Variants in TRANK1 observed in about 807,000 individuals in gnomAD.
TRANK1 encodes the protein TPR and ankyrin repeat-containing protein 1.
In TRANK1, 198 loss-of-function variants were observed where a neutral mutation model predicts 266.0. The ratio of observed to expected loss-of-function variants is 0.74; its 90% CI spans 0.66 to 0.84. TRANK1 has a LOEUF of 0.84. Among genes scored for constraint, TRANK1 ranks in the 40% least tolerant of loss-of-function variants. The pLI is 0.00. For missense variants in TRANK1, 3,326 were observed against 3,634.6 expected (o/e 0.92, Z 2.18); for synonymous variants, 1,396 against 1,384.1 (o/e 1.01, Z -0.19).
intron 7 of TRANK1, among the ~76,000 whole-genome samples, chr3:36,891,823 T>C (rs2079700097): frequency 6.6e-6 from 1 of 151,746 alleles, no homozygotes; most frequent in African/African-American, 2.4e-5. Context: ...AACCCTAGAG[T>C]GAAAATGAAC....
chr3:36,882,750 G>A (rs924143692), intron 8 of TRANK1, among the ~76,000 whole-genome samples: 5 of 152,042 alleles, frequency 3.3e-5, no homozygotes, highest in Non-Finnish European at 7.4e-5. Flanking sequence ...ACAGACAAGA[G>A]CTAATGAGCG....
chr3:36,874,011 C>A, intron 9 of TRANK1, 115 bp downstream of exon 9: 1 of 907,868 alleles, frequency 1.1e-6, no homozygotes, highest in Non-Finnish European at 1.5e-6. Flanking sequence ...GTCTCACTTC[C>A]ATATATATAT....
intron 4 of TRANK1, 36 bp downstream of exon 4, chr3:36,899,073 A>G: frequency 6.5e-7 from 1 of 1,534,046 alleles, no homozygotes; most frequent in Non-Finnish European, 8.7e-7. Context: ...TAAAATAGCA[A>G]GGACTTTACA....
chr3:36,864,191 G>T, intron 10 of TRANK1, 128 bp downstream of exon 10: 2 of 1,083,522 alleles, frequency 1.8e-6, no homozygotes, highest in Non-Finnish European at 2.5e-6. Context: ...GCTCTGTGCT[G>T]TCTGAATGTT....
chr3:36,928,332 A>G (rs2080316664), intron 1 of TRANK1, among the ~76,000 whole-genome samples: 1 of 152,172 alleles, frequency 6.6e-6, no homozygotes, highest in Admixed American at 6.5e-5. Context: ...TCTGATCCCT[A>G]TTTGACTAGC....
At chr3:36,845,387 G>A (rs757827759) in intron 17 of TRANK1, among the ~76,000 whole-genome samples, 9 of 152,158 alleles carry the variant, frequency 5.9e-5, no homozygotes, top group Non-Finnish European at 5.9e-5. Context: ...TGTGAAACTC[G>A]GAAACCAAAC....
intron 9 of TRANK1, 147 bp downstream of exon 9, chr3:36,873,979 C>G: frequency 2.6e-6 from 1 of 380,022 alleles, no homozygotes. Flanking sequence ...AAAAAGCAAA[C>G]AAGTTTTCCA....
Position 36,879,589 on chromosome 3 carries a change from C to T in TRANK1, c.908-5293G>A, listed in dbSNP as rs369661048. On this transcript the variant is annotated intron_variant, in intron 8 of 23. Transcript: ENST00000645898. ...AAATATATAAATATATATAAATATA[C>T]AAATATATAAATATATATAAATATA... Among the ~76,000 whole-genome samples the T allele has an allele frequency of 6.0e-3, 365 of 61,306 alleles. 65 individuals are homozygous for T. The highest frequency in any genetic ancestry group is 0.033 in the African/African-American group (314 of 9,458). 40.2% of individuals were successfully genotyped at this position (61,306 alleles called of 152,430 possible). A position where few individuals can be genotyped will look rare whatever the true frequency, so the allele number is the denominator to read the frequency against.
chr3:36,940,636 A>G (rs982446404), intron 1 of TRANK1, among the ~76,000 whole-genome samples: 2 of 152,104 alleles, frequency 1.3e-5, no homozygotes, highest in African/African-American at 4.8e-5. Flanking sequence ...TTCTTCTGGG[A>G]AGGATTCAGG....
intron 9 of TRANK1, among the ~76,000 whole-genome samples, chr3:36,871,081 A>C (rs1305636660): frequency 6.6e-6 from 1 of 152,122 alleles, no homozygotes; most frequent in African/African-American, 2.4e-5. Flanking sequence ...AACTGAGATT[A>C]AAATTAATAA....
intron 1 of TRANK1, among the ~76,000 whole-genome samples, chr3:36,914,652 T>G (rs1469572096): frequency 1.3e-5 from 2 of 151,994 alleles, no homozygotes; most frequent in Non-Finnish European, 2.9e-5. Context: ...TTTATTTATT[T>G]CGAGAAGGAG....
intron 17 of TRANK1, among the ~76,000 whole-genome samples, chr3:36,845,703 T>C (rs1336626244): frequency 6.6e-6 from 1 of 152,208 alleles, no homozygotes; most frequent in African/African-American, 2.4e-5. Context: ...ACAATCCACA[T>C]CCTTTTTCTC....
intron 8 of TRANK1, among the ~76,000 whole-genome samples, chr3:36,882,419 G>T (rs944941793): frequency 6.6e-6 from 1 of 152,118 alleles, no homozygotes; most frequent in Non-Finnish European, 1.5e-5. Context: ...CTGAGGTTAA[G>T]ACAGACTTTT....
At chr3:36,875,580 T>C (rs1265759200) in intron 8 of TRANK1, among the ~76,000 whole-genome samples, 1 of 152,222 alleles carries the variant, frequency 6.6e-6, no homozygotes, top group Non-Finnish European at 1.5e-5. Context: ...TACTGACGTA[T>C]AATAAATGGG....
At chr3:36,848,934 G>A (rs967436130) in intron 15 of TRANK1, among the ~76,000 whole-genome samples, 2 of 152,186 alleles carry the variant, frequency 1.3e-5, no homozygotes, top group Non-Finnish European at 2.9e-5. Flanking sequence ...AGAAGCAAAA[G>A]CTGCTCAGAT....
At chr3:36,927,462 G>C (rs2080304025) in intron 1 of TRANK1, among the ~76,000 whole-genome samples, 1 of 152,152 alleles carries the variant, frequency 6.6e-6, no homozygotes, top group African/African-American at 2.4e-5. Flanking sequence ...ACTATCACCA[G>C]ACACCTGCAA....
intron 20 of TRANK1, among the ~76,000 whole-genome samples, chr3:36,836,425 A>G (rs914289878): frequency 6.6e-6 from 1 of 152,254 alleles, no homozygotes; most frequent in Non-Finnish European, 1.5e-5. Flanking sequence ...CTAACACTAT[A>G]TAGCAAGGGA....
chr3:36,867,256 A>C (rs1172982695), intron 9 of TRANK1, among the ~76,000 whole-genome samples: 1 of 152,218 alleles, frequency 6.6e-6, no homozygotes, highest in Admixed American at 6.5e-5. Flanking sequence ...AAGCTGATGG[A>C]AACTTGCTGC....
intron 5 of TRANK1, among the ~76,000 whole-genome samples, chr3:36,894,412 G>T (rs1191078713): frequency 6.6e-6 from 1 of 152,206 alleles, no homozygotes; most frequent in African/African-American, 2.4e-5. Flanking sequence ...AAGCTGGAAG[G>T]ATCCTTATAA....
Sources: allele counts gnomAD v4.1 joint callset (sites outside exome capture counted in the v4.1 genomes callset), GRCh38; gene constraint gnomAD v4.1.1; transcripts MANE v1.5; gene names NCBI Gene and HGNC (gene_info 2026-07-23, HGNC 2026-07-21).